Variants in ADA2 observed in about 807,000 individuals in gnomAD.
ADA2 encodes the protein adenosine deaminase CECR1.
ADA2 carries 29 observed loss-of-function variants against 44.2 expected under a neutral mutation model. That is an observed-to-expected ratio of 0.66 (90% CI 0.49 to 0.89). ADA2 has a LOEUF of 0.89. Among genes scored for constraint, ADA2 ranks in the 40% least tolerant of loss-of-function variants. The pLI, the probability that ADA2 is intolerant of heterozygous loss-of-function variation, is 0.00. For missense variants in ADA2, 637 were observed against 644.8 expected, an observed-to-expected ratio of 0.99 and a Z score of 0.13; for synonymous variants, 215 against 234.9, an observed-to-expected ratio of 0.92 and a Z score of 0.77.
intron 1 of ADA2, among the ~76,000 whole-genome samples, chr22:17,212,845 G>A (rs1435173574): frequency 2.0e-5 from 3 of 150,976 alleles, no homozygotes; most frequent in Non-Finnish European, 4.4e-5. Flanking sequence ...AGTAGCGTGA[G>A]TCCACTTGGT....
intron 7 of ADA2, among the ~76,000 whole-genome samples, chr22:17,183,499 C>T (rs1364459505): frequency 2.3e-5 from 3 of 128,394 alleles, no homozygotes; most frequent in Non-Finnish European, 1.6e-5. Flanking sequence ...CTTGCTCTGT[C>T]GCCCAGGCTG....
At chr22:17,199,657 C>T in intron 4 of ADA2, 1 of 1,612,144 alleles carries the variant, frequency 6.2e-7, no homozygotes, top group Non-Finnish European at 8.5e-7. Context: ...TATTAGGACG[C>T]TCAGAGAGCC....
In ADA2 at chr22:17,209,420, A is replaced by G; in HGVS notation, c.258T>C (p.Phe86=). The change falls in exon 2 of 10, where the codon TTT becomes TTC. Residue 86 remains phenylalanine, a synonymous_variant. Coordinates refer to ENST00000399837, the MANE Select transcript of ADA2 (RefSeq NM_001282225.2). ...RTLIFPPSMH[F]FQAKHLIERS... Reference sequence around the variant, plus strand: ...TCTCAATGAGATGCTTGGCCTGGAAAAAGTGCATGCTGGGTGGGAATATCA... The same window carrying G: ...TCTCAATGAGATGCTTGGCCTGGAAGAAGTGCATGCTGGGTGGGAATATCA... 1 of 1,614,128 alleles carries G rather than the reference A, an allele frequency of 6.2e-7. No homozygotes were observed. Among genetic ancestry groups the G allele is most frequent in the South Asian group, 1.1e-5 (1 of 91,062 alleles).
chr22:17,181,311 G>C lies in ADA2; in HGVS notation c.*172C>G. The C allele has an allele frequency of 1.6e-6, 1 of 642,270 alleles. No individual in the cohort carries two copies. The highest frequency in any genetic ancestry group is 1.8e-5 in the South Asian group (1 of 57,010). The allele number at this position is 642,270 out of a possible 1,614,324, so 39.8% of individuals were successfully genotyped here. A position where few individuals can be genotyped will look rare whatever the true frequency, so the allele number is the denominator to read the frequency against. Reference sequence around the variant, plus strand: ...AGAGGGTCAATGTCACTGTGGCTGAGAGAGAATATTTCCAGAGGATGAATT... The same window carrying C: ...AGAGGGTCAATGTCACTGTGGCTGACAGAGAATATTTCCAGAGGATGAATT... On this transcript the variant is annotated 3_prime_UTR_variant, in exon 10 of 10. Transcript: ENST00000399837.
At chr22:17,199,953 G>A (rs1372859479) in intron 4 of ADA2, among the ~76,000 whole-genome samples, 1 of 152,132 alleles carries the variant, frequency 6.6e-6, no homozygotes, top group Non-Finnish European at 1.5e-5. Flanking sequence ...CCAGCACTTT[G>A]GGATGCCAAG....
chr22:17,179,457 C>G lies in ADA2; in HGVS notation c.*2026G>C, dbSNP rs750662601. ...GACTGTAGACACAGAAATAAATATC[C>G]GATTATAAGCTGTGATTAGAGGCAT... On this transcript the variant is annotated 3_prime_UTR_variant, in exon 10 of 10. Transcript: ENST00000399837. The G allele has an allele frequency of 6.6e-6, 1 of 152,128 alleles. No individual in the cohort carries two copies. The highest frequency in any genetic ancestry group is 6.6e-5 in the Admixed American group (1 of 15,254). 9.4% of individuals were successfully genotyped at this position (152,128 alleles called of 1,614,324 possible). A position where few individuals can be genotyped will look rare whatever the true frequency, so the allele number is the denominator to read the frequency against.
At chr22:17,206,933 C>T (rs2062358943) in intron 3 of ADA2, 138 bp downstream of exon 3, 2 of 650,888 alleles carry the variant, frequency 3.1e-6, no homozygotes, top group South Asian at 1.9e-5. Context: ...GGATTATAGG[C>T]GTGAACCACC....
intron 4 of ADA2, chr22:17,199,433 T>TATCCTCTTCCCCTCCCACCCCTCCACA: frequency 3.1e-6 from 3 of 978,040 alleles, no homozygotes; most frequent in Non-Finnish European, 4.9e-6. Flanking sequence ...TCCCCTCCTC[T>TATCCTCTTCCCCTCCCACCCCTCCACA]ATCCTCTTCC....
chr22:17,188,223 G>A, intron 7 of ADA2, 116 bp downstream of exon 7: 1 of 655,230 alleles, frequency 1.5e-6, no homozygotes, highest in Non-Finnish European at 2.7e-6. Context: ...GTGAGATAGA[G>A]CACAGGAAAG....
chr22:17,218,691 G>A (rs1164497460), intron 1 of ADA2, among the ~76,000 whole-genome samples: 2 of 152,144 alleles, frequency 1.3e-5, no homozygotes, highest in African/African-American at 2.4e-5. Flanking sequence ...CAGGCTGCCA[G>A]ACAGAAGTTT....
At chr22:17,220,911 T>A (rs1465172414), upstream of ADA2, among the ~76,000 whole-genome samples, 1 of 152,100 alleles carries the variant, frequency 6.6e-6, no homozygotes, top group African/African-American at 2.4e-5. Context: ...CAGTGGTGCA[T>A]GCCTGTAATC....
intron 4 of ADA2, chr22:17,199,583 C>T (rs371385449): frequency 2.5e-6 from 4 of 1,614,010 alleles, no homozygotes; most frequent in African/African-American, 1.3e-5. Context: ...ATCCATCTCC[C>T]CTCCGGAAAA....
chr22:17,187,931 C>T (rs1036673261), intron 7 of ADA2, among the ~76,000 whole-genome samples: 7 of 151,802 alleles, frequency 4.6e-5, no homozygotes, highest in African/African-American at 9.7e-5. Flanking sequence ...GGTGAAACCC[C>T]GTCTCTACTA....
At chr22:17,196,128 C>T (rs564442115) in intron 4 of ADA2, among the ~76,000 whole-genome samples, 117 of 152,054 alleles carry the variant, frequency 7.7e-4, no homozygotes, top group African/African-American at 2.6e-3. Flanking sequence ...GAGTGGATCA[C>T]CTGATGTCAG....
At chr22:17,200,197 C>CA (rs900361777) in intron 4 of ADA2, among the ~76,000 whole-genome samples, 8 of 150,742 alleles carry the variant, frequency 5.3e-5, no homozygotes, top group Admixed American at 5.3e-4. Context: ...TCAAAAACAA[C>CA]AAACAAACAA....
intron 7 of ADA2, among the ~76,000 whole-genome samples, chr22:17,187,622 G>T (rs1425972900): frequency 6.7e-6 from 1 of 150,156 alleles, no homozygotes; most frequent in Non-Finnish European, 1.5e-5. Flanking sequence ...AGCCAAAGTA[G>T]GATGATGTGA....
chr22:17,203,729 A>G lies in ADA2; in HGVS notation c.587T>C (p.Ile196Thr), dbSNP rs538708563. The G allele has an allele frequency of 1.9e-5, 31 of 1,614,154 alleles. No homozygotes were observed. The highest frequency in any genetic ancestry group is 1.7e-5 in the Non-Finnish European group (20 of 1,180,010). Residue 196 changes from isoleucine (I) to threonine (T), a missense_variant, in exon 4 of 10, where the codon ATT becomes ACT. Physicochemically the swap from Ile to Thr is moderately conservative, Grantham distance 89. Transcript: ENST00000399837. The part of the protein sequence containing the change: ...FTLVTQHPEV[I>T]YTNQNVVWSK... The stretch of plus-strand genomic sequence containing the variant: ...CCAGACAACATTTTGGTTTGTGTAA[A>G]TCACCTCCGGGTGCTGGGTCACCAG...
chr22:17,217,669 G>A (rs568163695), intron 1 of ADA2, among the ~76,000 whole-genome samples: 205 of 152,164 alleles, frequency 1.3e-3, no homozygotes, highest in Non-Finnish European at 2.5e-3. Context: ...TTAGCCAGGC[G>A]TGGTGTATTG....
Position 17,209,480 on chromosome 22 carries a change from G to C in ADA2, c.198C>G (p.Leu66=). 6.2e-7 allele frequency: 1 copy of C among 1,614,116 alleles called. No individual in the cohort carries two copies. The highest frequency in any genetic ancestry group is 1.1e-5 in the South Asian group (1 of 91,072). ...EELANERLMT[L]KIAEMKEAMR... ...TGGCCTCCTTCATCTCAGCGATTTTGAGCGTCATGAGCCTCTCATTGGCCA... is the reference window on the plus strand; with the variant it reads ...TGGCCTCCTTCATCTCAGCGATTTTCAGCGTCATGAGCCTCTCATTGGCCA... The change falls in exon 2 of 10, where the codon CTC becomes CTG. Residue 66 remains leucine (L), a synonymous_variant. Coordinates refer to ENST00000399837, the MANE Select transcript of ADA2 (RefSeq NM_001282225.2).
Sources: gnomAD v4.1 joint callset for allele counts (sites outside exome capture counted in the v4.1 genomes callset) on GRCh38, gnomAD v4.1.1 for gene constraint, MANE v1.5 for transcripts, NCBI Gene and HGNC (gene_info 2026-07-23, HGNC 2026-07-21) for gene names.